Variants in RGPD8 observed in about 807,000 individuals in gnomAD.
RGPD8 encodes RANBP2 like and GRIP domain containing 8, also known as RANBP2-like and GRIP domain-containing protein 8.
Under a neutral mutation model 89.1 loss-of-function variants are expected in RGPD8, and 15 were observed. That is an observed-to-expected ratio of 0.17 (90% CI 0.11 to 0.26). The LOEUF (loss-of-function observed/expected upper bound fraction) is 0.26. Among genes scored for constraint, RGPD8 ranks in the 10% least tolerant of loss-of-function variants. RGPD8 has a pLI of 1.00. For missense variants in RGPD8, 178 were observed against 1,179.6 expected (o/e 0.15, Z 12.44); for synonymous variants, 62 against 420.9 (o/e 0.15, Z 10.44).
At chr2:112,423,726 C>T (rs1338029279) in intron 2 of RGPD8, among the ~76,000 whole-genome samples, 5 of 151,928 alleles carry the variant, frequency 3.3e-5, no homozygotes, top group Non-Finnish European at 7.4e-5. Context: ...AAAAAGCCTG[C>T]CTCCCTCTTA....
intron 22 of RGPD8, 147 bp from the exon 23 acceptor site, chr2:112,370,359 G>GGGGTCT (rs1249646916): frequency 2.0e-5 from 2 of 100,748 alleles, no homozygotes; most frequent in Non-Finnish European, 3.4e-5. Flanking sequence ...GGGGGGGGGG[G>GGGGTCT]TTCTTTTTTT....
Position 112,417,237 on chromosome 2 carries a change from C to A in RGPD8, c.738G>T (p.Thr246=). The change falls in exon 6 of 23, where the codon ACG becomes ACT. Residue 246 remains threonine, a synonymous_variant. Coordinates refer to ENST00000302558, the MANE Select transcript of RGPD8 (RefSeq NM_001164463.1). ...LLAYANLMLL[T]LSTRDVQENR... is the part of the protein sequence containing the mutation. ...TTTCCTGCACATCTCTAGTGGAAAG[C>A]GTAAGAAGCATAAGATTAGCATAGG... 4 of 1,610,270 alleles carry A rather than the reference C, an allele frequency of 2.5e-6. No individual in the cohort carries two copies. Among genetic ancestry groups the A allele is most frequent in the African/African-American group, 2.7e-5 (2 of 73,436 alleles).
intron 4 of RGPD8, among the ~76,000 whole-genome samples, chr2:112,421,322 CAATA>C (rs1463479270): frequency 1.3e-4 from 7 of 52,822 alleles, no homozygotes; most frequent in Non-Finnish European, 2.5e-4. Context: ...TGTACACACA[CAATA>C]AAGTATACAT....
At chr2:112,426,362 G>A (rs1412609439) in intron 1 of RGPD8, among the ~76,000 whole-genome samples, 9 of 151,312 alleles carry the variant, frequency 5.9e-5, no homozygotes, top group East Asian at 3.9e-4. Flanking sequence ...GGGATGATTC[G>A]TGTCCTGGGT....
At chr2:112,432,761 T>C (rs1680102809) in intron 1 of RGPD8, among the ~76,000 whole-genome samples, 1 of 151,822 alleles carries the variant, frequency 6.6e-6, no homozygotes. Flanking sequence ...GCGAGCACCG[T>C]CGGGAACAAA....
At chr2:112,422,514 T>C (rs1202561411) in intron 3 of RGPD8, 34 bp downstream of exon 3, 1 of 1,607,080 alleles carries the variant, frequency 6.2e-7, no homozygotes, top group Non-Finnish European at 8.5e-7. Flanking sequence ...TGTGTTTGGC[T>C]ATGCAAAGGC....
rs1679599825 is a variant in RGPD8 at position 112,422,536 on chromosome 2, C to T, written c.252+12G>A. ...GGCTATGCAAAGGCTATATTTGAATCCTATAACTTACCCTGTAACATTCAA... is the reference window on the plus strand; with the variant it reads ...GGCTATGCAAAGGCTATATTTGAATTCTATAACTTACCCTGTAACATTCAA... On this transcript the variant is annotated intron_variant, in intron 3 of 22. Transcript: ENST00000302558. 1 of 1,610,418 alleles carries T rather than the reference C, an allele frequency of 6.2e-7. No individual in the cohort carries two copies. Among genetic ancestry groups the T allele is most frequent in the Non-Finnish European group, 8.5e-7 (1 of 1,179,214 alleles).
intron 20 of RGPD8, among the ~76,000 whole-genome samples, chr2:112,385,107 CTG>C (rs1678418804): frequency 9.9e-6 from 1 of 100,566 alleles, no homozygotes; most frequent in East Asian, 2.7e-4. Context: ...CCAAAGCCAA[CTG>C]TGATTAGTTC....
At chr2:112,409,043 T>C (rs1418259765) in intron 7 of RGPD8, among the ~76,000 whole-genome samples, 1 of 137,622 alleles carries the variant, frequency 7.3e-6, no homozygotes, top group Non-Finnish European at 1.5e-5. Context: ...ATGCACTTAC[T>C]AGAACCACAG....
rs1371206289 is a variant in RGPD8, at chr2:112,411,608, C to T, written c.978+823G>A. ...AAAAAAAAAAAAAAAAAAAGCCAGG[C>T]GCGCCAGGCGCAGTGCCTCGCGCCT... On this transcript the variant is annotated intron_variant, in intron 7 of 22. Coordinates refer to ENST00000302558, the MANE Select transcript of RGPD8 (RefSeq NM_001164463.1). Among the ~76,000 whole-genome samples the T allele has an allele frequency of 6.4e-4, 45 of 69,778 alleles. 1 individual carries two copies. Among genetic ancestry groups the T allele is most frequent in the Middle Eastern group, 6.8e-3 (1 of 148 alleles). 45.8% of individuals were successfully genotyped at this position (69,778 alleles called of 152,430 possible).
chr2:112,374,548 C>T (rs1678060262), intron 22 of RGPD8, among the ~76,000 whole-genome samples: 1 of 136,628 alleles, frequency 7.3e-6, no homozygotes, highest in Admixed American at 7.3e-5. Context: ...TCTCTGGCTG[C>T]TTTTGAGATT....
intron 1 of RGPD8, among the ~76,000 whole-genome samples, chr2:112,425,274 GAATA>G (rs1241991564): frequency 2.0e-5 from 3 of 147,834 alleles, no homozygotes; most frequent in Admixed American, 6.7e-5. Context: ...CTATGGGAAA[GAATA>G]AATAAGTACT....
chr2:112,387,858 C>T (rs1254332452), intron 20 of RGPD8, among the ~76,000 whole-genome samples, 166 bp downstream of exon 20: 2 of 145,192 alleles, frequency 1.4e-5, no homozygotes, highest in African/African-American at 5.0e-5. Flanking sequence ...CTCTTTGAAA[C>T]CTCACCGAGA....
At chr2:112,391,775 T>C (rs1401154953) in intron 18 of RGPD8, among the ~76,000 whole-genome samples, 1 of 112,048 alleles carries the variant, frequency 8.9e-6, no homozygotes, top group Non-Finnish European at 2.0e-5. Context: ...AGACCTTTTA[T>C]GCCTGTACAT....
At chr2:112,381,743 T>C (rs1678306916) in intron 20 of RGPD8, among the ~76,000 whole-genome samples, 1 of 146,354 alleles carries the variant, frequency 6.8e-6, no homozygotes, top group African/African-American at 2.5e-5. Flanking sequence ...GGTGAGAGGA[T>C]AGTTTATCCT....
Position 112,422,492 on chromosome 2 carries a change from C to T in RGPD8, c.252+56G>A, listed in dbSNP as rs997295545. 9 of 1,593,308 alleles carry T rather than the reference C, an allele frequency of 5.6e-6. No homozygotes were observed. In the Admixed American group the frequency reaches 1.2e-4, roughly 21 times the overall value. ...ATATTTGACTTACTTATATAAATTT[C>T]TCTGGGCATCATGTGTTTGGCTATG... On this transcript the variant is annotated intron_variant, in intron 3 of 22. Coordinates refer to ENST00000302558, the MANE Select transcript of RGPD8 (RefSeq NM_001164463.1).
chr2:112,428,025 G>T (rs1274453042), intron 1 of RGPD8, among the ~76,000 whole-genome samples: 1 of 152,274 alleles, frequency 6.6e-6, no homozygotes, highest in Non-Finnish European at 1.5e-5. Flanking sequence ...AAATGCTACA[G>T]AACTGAAAGA....
chr2:112,409,206 G>A (rs1679068850), intron 7 of RGPD8, among the ~76,000 whole-genome samples: 1 of 85,460 alleles, frequency 1.2e-5, no homozygotes, highest in South Asian at 4.6e-4. Flanking sequence ...AAGCATCTAA[G>A]ATGTTTCTAT....
rs911996378 is a variant in RGPD8 at position 112,433,569 on chromosome 2, G to C, written c.-116C>G. The C allele has an allele frequency of 4.4e-6, 5 of 1,137,330 alleles. No individual in the cohort carries two copies. Among genetic ancestry groups the C allele is most frequent in the African/African-American group, 1.6e-5 (1 of 62,672 alleles). 70.5% of individuals were successfully genotyped at this position (1,137,330 alleles called of 1,614,324 possible). ...CTGAAGCAGCGGCGTAGCCGGCGGA[G>C]GCCCACTGTGACGAGCGTGCGGCGC... On this transcript the variant is annotated 5_prime_UTR_variant, in exon 1 of 23. Coordinates refer to ENST00000302558, the MANE Select transcript of RGPD8 (RefSeq NM_001164463.1).
Sources: allele counts gnomAD v4.1 joint callset (sites outside exome capture counted in the v4.1 genomes callset), GRCh38; gene constraint gnomAD v4.1.1; transcripts MANE v1.5; gene names NCBI Gene and HGNC (gene_info 2026-07-23, HGNC 2026-07-21).